LSS: variants seen among roughly 807,000 people sequenced by gnomAD.
The protein encoded by LSS is lanosterol synthase, also known as 2,3-epoxysqualene-lanosterol cyclase.
A neutral mutation model predicts 110.3 loss-of-function variants in LSS; 90 were observed. The observed-to-expected ratio is 0.82, with a 90% confidence interval of 0.69 to 0.97. The LOEUF is 0.97. Among genes scored for constraint, LSS ranks in the 50% least tolerant of loss-of-function variants. The probability of loss-of-function intolerance (pLI) is 0.00; values close to 1 mark genes in which losing one functional copy is unlikely to be tolerated. For missense variants in LSS, 927 were observed against 990.0 expected, an observed-to-expected ratio of 0.94 and a Z score of 0.85; for synonymous variants, 433 against 400.0, an observed-to-expected ratio of 1.08 and a Z score of -0.98.
chr21:46,222,609 C>G (rs1226972052), intron 4 of LSS, 21 bp downstream of exon 4: 1 of 1,600,794 alleles, frequency 6.2e-7, no homozygotes, highest in African/African-American at 1.3e-5. Flanking sequence ...TGTGCAGTGA[C>G]ACAGGGGCAG....
rs1036808517 is a variant in LSS at position 46,213,107 on chromosome 21, T to G, written c.1110-55A>C. 12 of 1,564,522 alleles carry G rather than the reference T, an allele frequency of 7.7e-6. No homozygotes were observed. In the African/African-American group the frequency reaches 1.6e-4, roughly 21 times the overall value. On this transcript the variant is annotated intron_variant, in intron 10 of 21. Coordinates refer to ENST00000397728, the MANE Select transcript of LSS (RefSeq NM_002340.6). Reference sequence around the variant, plus strand: ...GCAAGGAGAAAGCTGGAAGCCCAGCTGCTACCCAGACCCTGCACTCAGGAG... The same window carrying G: ...GCAAGGAGAAAGCTGGAAGCCCAGCGGCTACCCAGACCCTGCACTCAGGAG...
rs545613958 is a variant in LSS, at chr21:46,216,394, G to A, written c.778C>T (p.Arg260Cys). 13 of 1,613,686 alleles carry A rather than the reference G, an allele frequency of 8.1e-6. No homozygotes were observed. The highest frequency in any genetic ancestry group is 5.5e-5 in the South Asian group (5 of 91,086). Residue 260 changes from arginine to cysteine, a missense_variant, in exon 7 of 22, where the codon CGC (arginine) becomes TGC (cysteine). Transcript: ENST00000397728. The surrounding 1 kb of genome is among the most constrained non-coding windows in gnomAD (Gnocchi z 4.2). ...AAEDPLVQSL[R>C]QELYVEDFAS... The stretch of plus-strand genomic sequence containing the variant: ...GTTCCCTGATGAGGTCCTACCTGGC[G>A]GAGGCTCTGGACCAGCGGGTCTTCC...
In LSS at chr21:46,190,304, C is replaced by G. The variant is rs2079791505; in HGVS notation, c.*800G>C. On this transcript the variant is annotated 3_prime_UTR_variant, in exon 22 of 22. Transcript: ENST00000397728. This position sits in a 1 kb window ranked among gnomAD's most constrained non-coding sequence, Gnocchi z 4.6. ...TGTGTCCACAAGACTACTATAAACC[C>G]TGTAGACACCTCACAAACAGCATTC... 1 of 162,786 alleles carries G rather than the reference C, an allele frequency of 6.1e-6. No homozygotes were observed. The highest frequency in any genetic ancestry group is 5.7e-5 in the Admixed American group (1 of 17,692). The allele number at this position is 162,786 out of a possible 1,614,324, so 10.1% of individuals were successfully genotyped here.
intron 5 of LSS, among the ~76,000 whole-genome samples, chr21:46,220,902 T>G (rs1601447045): frequency 8.7e-6 from 1 of 115,264 alleles, no homozygotes; most frequent in African/African-American, 3.4e-5. Context: ...CTTGGAGAGG[T>G]GGACAGCCCA....
chr21:46,224,113 G>C (rs1039526911), intron 3 of LSS, among the ~76,000 whole-genome samples: 1 of 152,174 alleles, frequency 6.6e-6, no homozygotes, highest in South Asian at 2.1e-4. Flanking sequence ...CTGCCTTCTA[G>C]ATAGCAGTAG....
At chr21:46,210,584 G>A (rs1383630590) in intron 12 of LSS, 104 bp downstream of exon 12, 2 of 1,130,792 alleles carry the variant, frequency 1.8e-6, no homozygotes, top group Admixed American at 1.9e-5. Flanking sequence ...GAAGTATCGA[G>A]GAGTGGCAAG....
chr21:46,202,684 G>C (rs2079994697), intron 17 of LSS, among the ~76,000 whole-genome samples: 1 of 152,130 alleles, frequency 6.6e-6, no homozygotes, highest in Admixed American at 6.5e-5. Flanking sequence ...AGCAGTTCAA[G>C]ACCAGCCTGA....
rs775196039 is a variant in LSS, at chr21:46,213,820, T to C, written c.1027A>G (p.Asn343Asp). The C allele has an allele frequency of 3.1e-6, 5 of 1,613,744 alleles. No individual in the cohort carries two copies. The African/African-American group carries it at 6.7e-5, about 22-fold the overall frequency. ...TCCACATACCAGCGCACAAGCATGT[T>C]GATGGTTTTCGAGATCTGCAGGAGA... ...ISIGPISKTI[N>D]MLVRWYVDGP... The change falls in exon 10 of 22, where the codon AAC becomes GAC. Residue 343 changes from asparagine (N) to aspartate (D), a missense_variant. By Grantham distance (23) the Asn-to-Asp change is conservative (BLOSUM62 1). Transcript: ENST00000397728.
Position 46,189,900 on chromosome 21 carries a change from G to C in LSS, c.*1204C>G, listed in dbSNP as rs551793213. On this transcript the variant is annotated 3_prime_UTR_variant, in exon 22 of 22. Coordinates refer to ENST00000397728, the MANE Select transcript of LSS (RefSeq NM_002340.6). ...GAGCTGCTCATCCACATCAGGCAAA[G>C]GCAAAGCCAGGACCTGAACTTCCCA... 2 of 366,236 alleles carry C rather than the reference G, an allele frequency of 5.5e-6. No individual in the cohort carries two copies. The highest frequency in any genetic ancestry group is 7.6e-5 in the East Asian group (1 of 13,236). The allele number at this position is 366,236 out of a possible 1,614,324, so 22.7% of individuals were successfully genotyped here. A position where few individuals can be genotyped will look rare whatever the true frequency, so the allele number is the denominator to read the frequency against.
rs186899080 is a variant in LSS at position 46,191,032 on chromosome 21, G to A, written c.*72C>T. 8.4e-5 allele frequency: 132 copies of A among 1,579,608 alleles called. No homozygotes were observed. The highest frequency in any genetic ancestry group is 3.3e-4 in the Admixed American group (19 of 58,226). On this transcript the variant is annotated 3_prime_UTR_variant, in exon 22 of 22. Coordinates refer to ENST00000397728, the MANE Select transcript of LSS (RefSeq NM_002340.6). ...GAGCCCAAGACAGGGTTATGGGAGG[G>A]CTCCCCAACCCGGCCAGGACCCCTT...
At chr21:46,194,018 C>G (rs1419755152) in intron 20 of LSS, among the ~76,000 whole-genome samples, 5 of 152,132 alleles carry the variant, frequency 3.3e-5, no homozygotes, top group African/African-American at 7.2e-5. Flanking sequence ...CCATGTACAT[C>G]TGTGTGTGCA....
intron 3 of LSS, among the ~76,000 whole-genome samples, chr21:46,225,921 C>G (rs973723684): frequency 6.6e-6 from 1 of 152,114 alleles, no homozygotes; most frequent in Non-Finnish European, 1.5e-5. Context: ...GTCCCCCGGG[C>G]CCAGCTGTCT....
intron 19 of LSS, among the ~76,000 whole-genome samples, chr21:46,194,914 G>A (rs1398988249): frequency 6.6e-6 from 1 of 152,260 alleles, no homozygotes; most frequent in Non-Finnish European, 1.5e-5. Flanking sequence ...CCTCACGGAC[G>A]CGTCAGGCTG....
At chr21:46,226,341 G>A (rs1443661326) in intron 3 of LSS, among the ~76,000 whole-genome samples, 2 of 152,184 alleles carry the variant, frequency 1.3e-5, no homozygotes. Flanking sequence ...GCAAAGTGGG[G>A]CTGACCCATC....
At chr21:46,221,712 A>T in intron 5 of LSS, 142 bp downstream of exon 5, 1 of 1,236,482 alleles carries the variant, frequency 8.1e-7, no homozygotes, top group Non-Finnish European at 1.1e-6. Flanking sequence ...GTGTCTGCCT[A>T]CTTCTGCTTT....
intron 17 of LSS, among the ~76,000 whole-genome samples, chr21:46,203,905 T>C (rs2080012368): frequency 6.6e-6 from 1 of 152,250 alleles, no homozygotes; most frequent in Non-Finnish European, 1.5e-5. Flanking sequence ...AACTGAATGA[T>C]ATCTCAAAAC....
intron 8 of LSS, 68 bp downstream of exon 8, chr21:46,215,617 G>GAGAA: frequency 1.8e-6 from 2 of 1,131,890 alleles, no homozygotes; most frequent in South Asian, 2.9e-5. Flanking sequence ...GGATGAGTGC[G>GAGAA]TGAATGAGTG....
In LSS at chr21:46,216,252, G is replaced by A. The variant is rs2080204913; in HGVS notation, c.783+137C>T. On this transcript the variant is annotated intron_variant, in intron 7 of 21. Transcript: ENST00000397728. This position sits in a 1 kb window ranked among gnomAD's most constrained non-coding sequence, Gnocchi z 4.2. ...TGTTTATTATAGGATGGAGGAAGGT[G>A]GAGGCTCTGCTCCACAGGGCTCTCC... 5 of 1,044,508 alleles carry A rather than the reference G, an allele frequency of 4.8e-6. No homozygotes were observed. Among genetic ancestry groups the A allele is most frequent in the Non-Finnish European group, 2.9e-6 (2 of 696,918 alleles). The allele number at this position is 1,044,508 out of a possible 1,614,324, so 64.7% of individuals were successfully genotyped here. A position where few individuals can be genotyped will look rare whatever the true frequency, so the allele number is the denominator to read the frequency against.
At position 46,206,836 on chromosome 21, in the gene LSS, C is replaced by T. The variant is rs111883920; in HGVS notation, c.1468-68G>A. 1.3e-5 allele frequency: 16 copies of T among 1,186,864 alleles called. No homozygotes were observed. In the African/African-American group the frequency reaches 1.6e-4, roughly 12 times the overall value. The allele number at this position is 1,186,864 out of a possible 1,614,324, so 73.5% of individuals were successfully genotyped here. Reference sequence around the variant, plus strand: ...GCACACACAGGCGCCCAGGGCACAGCGGAACTCTCTAGAGGCAACACTAGG... The same window carrying T: ...GCACACACAGGCGCCCAGGGCACAGTGGAACTCTCTAGAGGCAACACTAGG... On this transcript the variant is annotated intron_variant, in intron 15 of 21. Transcript: ENST00000397728.
Sources: gnomAD v4.1 joint callset for allele counts (sites outside exome capture counted in the v4.1 genomes callset) on GRCh38, gnomAD v4.1.1 for gene constraint, Gnocchi (gnomAD v3.1) non-coding constraint, MANE v1.5 for transcripts, NCBI Gene and HGNC (gene_info 2026-07-23, HGNC 2026-07-21) for gene names.